The following FAT2 variants were observed in gnomAD, a reference collection of about 807,000 sequenced individuals.
The protein encoded by FAT2 is protocadherin Fat 2.
FAT2 carries 150 observed loss-of-function variants against 295.3 expected under a neutral mutation model. The observed-to-expected ratio is 0.51, with a 90% CI of 0.44 to 0.58. The LOEUF is 0.58. FAT2 is among the 20% of genes least tolerant of loss of function. The pLI is 0.00. For missense variants in FAT2, 4,868 were observed against 5,442.7 expected, an observed-to-expected ratio of 0.89 and a Z score of 3.32; for synonymous variants, 2,026 against 2,150.3, an observed-to-expected ratio of 0.94 and a Z score of 1.60.
At chr5:151,552,726 C>T (rs368752962) in intron 6 of FAT2, among the ~76,000 whole-genome samples, 26 of 152,256 alleles carry the variant, frequency 1.7e-4, no homozygotes, top group African/African-American at 6.0e-4. Flanking sequence ...CCAAGTGCCT[C>T]GTAGAATGAG....
intron 7 of FAT2, 54 bp from the exon 8 acceptor site, chr5:151,550,925 C>T (rs2127622457): frequency 6.4e-7 from 1 of 1,550,602 alleles, no homozygotes; most frequent in Non-Finnish European, 8.8e-7. Flanking sequence ...GGAACAGGGA[C>T]TGGGTCTGTC....
intron 13 of FAT2, 76 bp from the exon 14 acceptor site, chr5:151,532,046 A>G (rs1754684155): frequency 6.4e-7 from 1 of 1,556,666 alleles, no homozygotes; most frequent in South Asian, 1.2e-5. Flanking sequence ...CCCTGCAGCC[A>G]CAGGAGGGGC....
chr5:151,520,897 T>C (rs1331161654), intron 19 of FAT2, among the ~76,000 whole-genome samples: 1 of 152,212 alleles, frequency 6.6e-6, no homozygotes, highest in Non-Finnish European at 1.5e-5. Flanking sequence ...TACATAGTAC[T>C]GATGTAATTC....
chr5:151,534,337 A>G, intron 13 of FAT2, 72 bp downstream of exon 13: 1 of 1,264,340 alleles, frequency 7.9e-7, no homozygotes, highest in Non-Finnish European at 1.1e-6. Context: ...GAGAGACACA[A>G]AGGGGACCAA....
intron 17 of FAT2, 59 bp from the exon 18 acceptor site, chr5:151,526,024 G>A (rs543959432): frequency 1.1e-5 from 17 of 1,525,674 alleles, no homozygotes; most frequent in East Asian, 7.1e-5. Flanking sequence ...CCTTCCTTTC[G>A]CACGTGTCTG....
At chr5:151,578,136 AG>A (rs1758815207) in intron 1 of FAT2, among the ~76,000 whole-genome samples, 1 of 152,142 alleles carries the variant, frequency 6.6e-6, no homozygotes, top group African/African-American at 2.4e-5. Context: ...CCTAGGTTCT[AG>A]GTGAGGAAGG....
intron 21 of FAT2, chr5:151,511,021 T>G (rs1182248759): frequency 6.6e-6 from 1 of 151,720 alleles, no homozygotes; most frequent in African/African-American, 2.4e-5. Context: ...AGCAGAAGAG[T>G]GCCATGCACA....
intron 1 of FAT2, among the ~76,000 whole-genome samples, chr5:151,572,834 C>G (rs1036284466): frequency 6.6e-6 from 1 of 152,198 alleles, no homozygotes; most frequent in Admixed American, 6.5e-5. Context: ...GGTCTCTGGT[C>G]GAGTCTAAGC....
chr5:151,577,321 G>T (rs890383378), intron 1 of FAT2, among the ~76,000 whole-genome samples: 1 of 152,222 alleles, frequency 6.6e-6, no homozygotes, highest in African/African-American at 2.4e-5. Context: ...GGGATGTGAA[G>T]AAAGTGTTTT....
intron 18 of FAT2, among the ~76,000 whole-genome samples, chr5:151,525,078 G>T (rs895455210): frequency 6.6e-6 from 1 of 152,136 alleles, no homozygotes; most frequent in South Asian, 2.1e-4. Context: ...AAATGGCCTC[G>T]CATGTAGTAG....
Position 151,505,873 on chromosome 5 carries a change from G to A in FAT2, c.12742C>T (p.Leu4248=). The part of the protein sequence containing the change: ...PLPPRYSNQN[L]EDLMPSRPPS... ...GGCCGAGAGGGCATCAGATCTTCCAGGTTCTGGTTGCTGTAACGGGGTGGG... is the reference window on the plus strand; with the variant it reads ...GGCCGAGAGGGCATCAGATCTTCCAAGTTCTGGTTGCTGTAACGGGGTGGG... Residue 4248 remains leucine (L), a synonymous_variant, in exon 24 of 24, where the codon CTG becomes TTG. Coordinates refer to ENST00000261800, the MANE Select transcript of FAT2 (RefSeq NM_001447.3). 1 of 1,605,134 alleles carries A rather than the reference G, an allele frequency of 6.2e-7. No homozygotes were observed.
At chr5:151,557,303 A>G (rs1158493811) in intron 3 of FAT2, among the ~76,000 whole-genome samples, 2 of 152,068 alleles carry the variant, frequency 1.3e-5, no homozygotes, top group Non-Finnish European at 2.9e-5. Flanking sequence ...AGGAATTAGA[A>G]CCATTCCTAG....
At chr5:151,559,838 G>T (rs112038458) in intron 3 of FAT2, among the ~76,000 whole-genome samples, 13 of 152,150 alleles carry the variant, frequency 8.5e-5, no homozygotes, top group African/African-American at 1.9e-4. Context: ...TCAGTATCAG[G>T]GTTCCCAGGA....
intron 1 of FAT2, among the ~76,000 whole-genome samples, chr5:151,584,315 A>T (rs944030742): frequency 1.3e-5 from 2 of 152,044 alleles, no homozygotes; most frequent in Non-Finnish European, 2.9e-5. Context: ...TGGCAAGCCC[A>T]CTTTCCACAG....
Position 151,553,290 on chromosome 5 carries a change from G to A in FAT2, c.4043C>T (p.Ala1348Val), listed in dbSNP as rs776384687. The change falls in exon 6 of 24, where the codon GCC becomes GTC. Residue 1348 changes from alanine to valine, a missense_variant. Physicochemically the swap from Ala to Val is moderately conservative, Grantham distance 64. Around this residue, in one of 5 missense-constraint regions of FAT2, gnomAD observed 3,297 missense variants for 3,669.4 expected, o/e 0.90. Transcript: ENST00000261800. ...AAAGCTGTAGTAGGTCTCATCAAAG[G>A]CCAGAGGGATGGAGGACGGCCGGGG... is the stretch of plus-strand genomic sequence containing the variant. ...PWPRPSSIPLAFDETYYSFTV... is the reference protein window; with the variant it reads ...PWPRPSSIPLVFDETYYSFTV... 5.0e-6 allele frequency: 8 copies of A among 1,614,144 alleles called. No homozygotes were observed. Among genetic ancestry groups the A allele is most frequent in the Admixed American group, 1.7e-5 (1 of 60,008 alleles).
Position 151,505,440 on chromosome 5 carries a change from C to T in FAT2, c.*125G>A. 8.5e-7 allele frequency: 1 copy of T among 1,177,480 alleles called. No individual in the cohort carries two copies. The highest frequency in any genetic ancestry group is 1.2e-6 in the Non-Finnish European group (1 of 829,378). The allele number at this position is 1,177,480 out of a possible 1,614,324, so 72.9% of individuals were successfully genotyped here. On this transcript the variant is annotated 3_prime_UTR_variant, in exon 24 of 24. Transcript: ENST00000261800. Reference sequence around the variant, plus strand: ...TGGAAGAGCACATTTCAAGGGACAACAGCCTGGGCTGAGGGCTTCCCTCCC... The same window carrying T: ...TGGAAGAGCACATTTCAAGGGACAATAGCCTGGGCTGAGGGCTTCCCTCCC...
At chr5:151,575,347 T>G (rs755462557) in intron 1 of FAT2, among the ~76,000 whole-genome samples, 17 of 152,244 alleles carry the variant, frequency 1.1e-4, no homozygotes, top group Non-Finnish European at 2.4e-4. Flanking sequence ...GGGTAGAGTA[T>G]GCAGTACTGG....
chr5:151,508,816 A>C (rs1761094716), intron 22 of FAT2, among the ~76,000 whole-genome samples: 1 of 152,110 alleles, frequency 6.6e-6, no homozygotes, highest in South Asian at 2.1e-4. Context: ...TGAGTGGGTG[A>C]ACTACATCAC....
At chr5:151,557,890 T>C (rs1471179405) in intron 3 of FAT2, among the ~76,000 whole-genome samples, 1 of 152,086 alleles carries the variant, frequency 6.6e-6, no homozygotes, top group Non-Finnish European at 1.5e-5. Flanking sequence ...TGCCTCAGCC[T>C]CTCCCTTCCC....
Sources: allele counts gnomAD v4.1 joint callset (sites outside exome capture counted in the v4.1 genomes callset), GRCh38; gene constraint gnomAD v4.1.1; regional missense constraint gnomAD v4.1.1; transcripts MANE v1.5; gene names NCBI Gene and HGNC (gene_info 2026-07-23, HGNC 2026-07-21).